IMPG2: variants seen among roughly 807,000 people sequenced by gnomAD.
IMPG2 encodes IPM 200.
IMPG2 carries 91 observed loss-of-function variants against 129.2 expected under a neutral mutation model. The observed-to-expected ratio is 0.70, with a 90% CI of 0.59 to 0.84. IMPG2 has a LOEUF of 0.84. Ranked by LOEUF, IMPG2 falls within the 40% of genes least tolerant of loss-of-function variation. The pLI is 0.00. For missense variants in IMPG2, 1,430 were observed against 1,461.7 expected (o/e 0.98, Z 0.35); for synonymous variants, 510 against 517.7 (o/e 0.99, Z 0.20).
chr3:101,269,979 G>A (rs141554229), intron 7 of IMPG2, among the ~76,000 whole-genome samples: 1,930 of 136,050 alleles, frequency 0.014, 45 homozygotes, highest in African/African-American at 0.051. Flanking sequence ...CGCCCAGGCT[G>A]GAGTGCAGTG....
At chr3:101,235,345 G>C (rs901477582) in intron 14 of IMPG2, among the ~76,000 whole-genome samples, 1 of 152,178 alleles carries the variant, frequency 6.6e-6, no homozygotes, top group African/African-American at 2.4e-5. Flanking sequence ...TCATGTCAGT[G>C]CTCAAAAAGT....
At position 101,244,567 on chromosome 3, in the gene IMPG2, A is replaced by C; in HGVS notation, c.1764T>G (p.Asp588Glu). 2 of 1,593,062 alleles carry C rather than the reference A, an allele frequency of 1.3e-6. No individual in the cohort carries two copies. The highest frequency in any genetic ancestry group is 1.8e-5 in the Admixed American group (1 of 56,634). ...ATATTAACTCTTTTTCCATGGATGC[A>C]TCTGGCAGGAAAGGGCTCACTTTTA... ...DQLKVSPFLP[D>E]ASMEKELIFD... Residue 588 changes from aspartate (D) to glutamate (E), a missense_variant, in exon 13 of 19, where the codon GAT becomes GAG. Asp to Glu is a conservative substitution (Grantham distance 45). Transcript: ENST00000193391.
At chr3:101,259,488 G>A (rs1322840905) in intron 9 of IMPG2, among the ~76,000 whole-genome samples, 1 of 150,756 alleles carries the variant, frequency 6.6e-6, no homozygotes, top group Non-Finnish European at 1.5e-5. Context: ...TCACAGTGAC[G>A]GTGTCTCAGT....
chr3:101,231,204 A>G, intron 15 of IMPG2, 59 bp from the exon 16 acceptor site: 2 of 1,508,604 alleles, frequency 1.3e-6, no homozygotes, highest in South Asian at 2.2e-5. Context: ...CTGACAATTA[A>G]CAGCAGAACC....
At chr3:101,288,487 T>C (rs1706970370) in intron 4 of IMPG2, among the ~76,000 whole-genome samples, 1 of 152,162 alleles carries the variant, frequency 6.6e-6, no homozygotes, top group Non-Finnish European at 1.5e-5. Context: ...GAAGAAAATA[T>C]GGTACATATA....
chr3:101,244,834 G>GTATTCC (rs761123998), intron 12 of IMPG2, 47 bp from the exon 13 acceptor site: 2 of 1,502,526 alleles, frequency 1.3e-6, no homozygotes, highest in Non-Finnish European at 1.8e-6. Context: ...TTGCCAAAAT[G>GTATTCC]TATTCCTAGT....
At chr3:101,260,218 C>G (rs531609167) in intron 9 of IMPG2, among the ~76,000 whole-genome samples, 1 of 152,066 alleles carries the variant, frequency 6.6e-6, no homozygotes. Flanking sequence ...TACTGTTTTC[C>G]TCCCAGATAT....
intron 4 of IMPG2, among the ~76,000 whole-genome samples, chr3:101,281,259 T>C (rs1243387171): frequency 1.3e-5 from 2 of 152,202 alleles, no homozygotes; most frequent in Non-Finnish European, 1.5e-5. Context: ...TTTCAAGATG[T>C]CTGGCTATAA....
rs760482754 is a variant in IMPG2 at position 101,245,941 on chromosome 3, C to T, written c.1404G>A (p.Ser468=). 2.4e-5 allele frequency: 39 copies of T among 1,613,976 alleles called. No homozygotes were observed. The highest frequency in any genetic ancestry group is 4.0e-5 in the African/African-American group (3 of 74,908). The part of the protein sequence containing the change: ...LVSTHKLAFP[S]KMGLSSSPEV... ...CTGGGGAAGAGCTGAGGCCCATCTT[C>T]GAGGGAAAGGCTAATTTGTGTGTAG... The change falls in exon 12 of 19, where the codon TCG becomes TCA. Residue 468 remains serine, a synonymous_variant. Coordinates refer to ENST00000193391, the MANE Select transcript of IMPG2 (RefSeq NM_016247.4).
At position 101,246,054 on chromosome 3, in the gene IMPG2, T is replaced by G; in HGVS notation, c.1291A>C (p.Ser431Arg). The G allele has an allele frequency of 6.2e-7, 1 of 1,614,144 alleles. No individual in the cohort carries two copies. Among genetic ancestry groups the G allele is most frequent in the Non-Finnish European group, 8.5e-7 (1 of 1,179,994 alleles). ...GAGCTGAAATCAAGTGGTGGAATAC[T>G]GCTGGTGATGGATTCATCTGCTGAG... is the stretch of plus-strand genomic sequence containing the variant. ...WPSADESITS[S>R]IPPLDFSSGP... Residue 431 changes from serine to arginine, a missense_variant, in exon 12 of 19, where the codon AGT (serine) becomes CGT (arginine). Ser to Arg is a moderately radical substitution (Grantham distance 110). Coordinates refer to ENST00000193391, the MANE Select transcript of IMPG2 (RefSeq NM_016247.4).
intron 3 of IMPG2, among the ~76,000 whole-genome samples, chr3:101,298,734 C>A (rs1707108859): frequency 6.6e-6 from 1 of 152,224 alleles, no homozygotes; most frequent in African/African-American, 2.4e-5. Context: ...CCCCCACTCT[C>A]TTCTGGCTTG....
intron 7 of IMPG2, among the ~76,000 whole-genome samples, chr3:101,271,689 G>A (rs960446828): frequency 6.6e-6 from 1 of 152,128 alleles, no homozygotes; most frequent in Admixed American, 6.5e-5. Flanking sequence ...CCTGCCTCAT[G>A]ATAAATGTGC....
At chr3:101,271,792 T>G (rs1488134464) in intron 7 of IMPG2, among the ~76,000 whole-genome samples, 2 of 152,224 alleles carry the variant, frequency 1.3e-5, no homozygotes, top group East Asian at 3.8e-4. Context: ...GAAGGAGTAC[T>G]TTGAAAGGCA....
intron 11 of IMPG2, 46 bp downstream of exon 11, chr3:101,253,650 A>G (rs1253018316): frequency 3.1e-6 from 4 of 1,308,224 alleles, no homozygotes; most frequent in Non-Finnish European, 4.4e-6. Context: ...GGAAGAAAGA[A>G]GAGAAGCTTG....
At chr3:101,250,520 C>T (rs528884040) in intron 11 of IMPG2, among the ~76,000 whole-genome samples, 2 of 152,140 alleles carry the variant, frequency 1.3e-5, no homozygotes, top group East Asian at 3.9e-4. Flanking sequence ...TGTTAGAGAA[C>T]TGAGGATCAT....
At chr3:101,319,431 T>A (rs1393692602) in intron 2 of IMPG2, among the ~76,000 whole-genome samples, 153 bp downstream of exon 2, 48 of 152,178 alleles carry the variant, frequency 3.2e-4, no homozygotes, top group Admixed American at 3.1e-3. Flanking sequence ...TCTCTGAAGT[T>A]ACCATTAACA....
Position 101,297,981 on chromosome 3 carries a change from C to T in IMPG2, c.501+6165G>A, listed in dbSNP as rs1346265477. ...TTAATTTTCTGTCTTGTTGATCTGTCTAATATGACAGTGGAGTGTTAAAGT... is the reference window on the plus strand; with the variant it reads ...TTAATTTTCTGTCTTGTTGATCTGTTTAATATGACAGTGGAGTGTTAAAGT... On this transcript the variant is annotated intron_variant, in intron 3 of 18. Transcript: ENST00000193391. Among the ~76,000 whole-genome samples, 26 of 152,212 alleles carry T rather than the reference C, an allele frequency of 1.7e-4. 1 individual carries two copies. The highest frequency in any genetic ancestry group is 1.7e-3 in the Admixed American group (26 of 15,288).
chr3:101,270,724 C>G (rs1446208573), intron 7 of IMPG2, among the ~76,000 whole-genome samples: 1 of 151,912 alleles, frequency 6.6e-6, no homozygotes, highest in Non-Finnish European at 1.5e-5. Context: ...GGCGTGAACC[C>G]GGGAGGCGGA....
intron 16 of IMPG2, among the ~76,000 whole-genome samples, chr3:101,230,499 C>T (rs763497631): frequency 5.3e-5 from 8 of 152,214 alleles, no homozygotes; most frequent in Non-Finnish European, 1.2e-4. Context: ...TATCTCATCT[C>T]CAACATTGCT....
Sources: gnomAD v4.1 joint callset for allele counts (sites outside exome capture counted in the v4.1 genomes callset) on GRCh38, gnomAD v4.1.1 for gene constraint, MANE v1.5 for transcripts, NCBI Gene and HGNC (gene_info 2026-07-23, HGNC 2026-07-21) for gene names.